Variants in CLSTN2 observed in about 807,000 individuals in gnomAD.
CLSTN2 encodes calsyntenin 2, also known as calsyntenin-2.
A neutral mutation model predicts 101.2 loss-of-function variants in CLSTN2; 48 were observed. That is an observed-to-expected ratio of 0.47 (90% CI 0.38 to 0.60). The LOEUF (loss-of-function observed/expected upper bound fraction) is 0.60. Ranked by LOEUF, CLSTN2 falls within the 20% of genes least tolerant of loss-of-function variation. The pLI is 0.00. For missense variants in CLSTN2, 1,160 were observed against 1,238.2 expected (o/e 0.94, Z 0.95); for synonymous variants, 481 against 463.6 (o/e 1.04, Z -0.48).
chr3:140,260,448 G>A (rs972270924), intron 2 of CLSTN2, among the ~76,000 whole-genome samples: 1 of 151,306 alleles, frequency 6.6e-6, no homozygotes. Flanking sequence ...GGAGGGTACT[G>A]GATTTTGTCA....
chr3:140,562,396 A>AC, intron 13 of CLSTN2, 88 bp downstream of exon 13: 4 of 1,289,346 alleles, frequency 3.1e-6, no homozygotes, highest in Non-Finnish European at 4.3e-6. Context: ...TGCACCTGTG[A>AC]AGGAGCACTG....
intron 1 of CLSTN2, among the ~76,000 whole-genome samples, chr3:140,031,732 C>G (rs2007554670): frequency 6.6e-6 from 1 of 152,282 alleles, no homozygotes; most frequent in African/African-American, 2.4e-5. Context: ...GACTCAGAAG[C>G]TGTTTGTTAG....
intron 8 of CLSTN2, among the ~76,000 whole-genome samples, chr3:140,505,032 C>T (rs1485060818): frequency 1.3e-5 from 2 of 152,050 alleles, no homozygotes; most frequent in Admixed American, 6.6e-5. Context: ...TACAAATTCC[C>T]CCAAACTTAA....
At chr3:140,305,050 ACACACTCT>A (rs773857511) in intron 2 of CLSTN2, among the ~76,000 whole-genome samples, 22 of 146,040 alleles carry the variant, frequency 1.5e-4, no homozygotes, top group Admixed American at 2.8e-4. Context: ...ACACACACAC[ACACACTCT>A]CTCTCTCTCT....
chr3:140,190,483 G>T (rs1284589186), intron 2 of CLSTN2, among the ~76,000 whole-genome samples: 1 of 150,554 alleles, frequency 6.6e-6, no homozygotes, highest in Non-Finnish European at 1.5e-5. Context: ...ATTCTGATAG[G>T]GGCTGAGTTA....
intron 2 of CLSTN2, among the ~76,000 whole-genome samples, chr3:140,293,867 T>TTCTTTCTA (rs1443017965): frequency 6.6e-6 from 1 of 152,222 alleles, no homozygotes; most frequent in Non-Finnish European, 1.5e-5. Context: ...CTACACTATA[T>TTCTTTCTA]TCTTTCTATT....
At chr3:139,964,371 C>T (rs1046114543) in intron 1 of CLSTN2, among the ~76,000 whole-genome samples, 4 of 152,002 alleles carry the variant, frequency 2.6e-5, no homozygotes, top group Non-Finnish European at 4.4e-5. Context: ...TGTTGGAGGT[C>T]GGTGCAAGTG....
chr3:140,016,126 G>T (rs1478944777), intron 1 of CLSTN2, among the ~76,000 whole-genome samples: 2 of 152,202 alleles, frequency 1.3e-5, no homozygotes, highest in Non-Finnish European at 1.5e-5. Flanking sequence ...GGCATGTGCA[G>T]AGGCATGGCT....
intron 8 of CLSTN2, among the ~76,000 whole-genome samples, chr3:140,471,557 G>A (rs538873429): frequency 1.9e-4 from 29 of 152,326 alleles, no homozygotes; most frequent in Non-Finnish European, 4.1e-4. Context: ...GGGATCAAGA[G>A]AAGAACAACA....
At chr3:140,473,429 T>A (rs752574497) in intron 8 of CLSTN2, among the ~76,000 whole-genome samples, 1 of 152,180 alleles carries the variant, frequency 6.6e-6, no homozygotes, top group East Asian at 1.9e-4. Context: ...GTTAAGGGTC[T>A]TGAGATGGAG....
chr3:140,397,506 A>G (rs1254753259), intron 2 of CLSTN2, among the ~76,000 whole-genome samples: 1 of 152,232 alleles, frequency 6.6e-6, no homozygotes, highest in Non-Finnish European at 1.5e-5. Context: ...CTTATAAAGA[A>G]CAACAATTTA....
chr3:140,297,149 C>T (rs760261805), intron 2 of CLSTN2, among the ~76,000 whole-genome samples: 6 of 152,212 alleles, frequency 3.9e-5, no homozygotes, highest in African/African-American at 7.2e-5. Flanking sequence ...CATCTGGACT[C>T]AATTTGTTGT....
At chr3:140,011,428 T>G (rs1275291106) in intron 1 of CLSTN2, among the ~76,000 whole-genome samples, 1 of 152,144 alleles carries the variant, frequency 6.6e-6, no homozygotes, top group African/African-American at 2.4e-5. Context: ...TCTTCCAACT[T>G]CATTTTTCTC....
intron 8 of CLSTN2, among the ~76,000 whole-genome samples, chr3:140,473,240 C>T (rs1157363711): frequency 1.3e-5 from 2 of 152,198 alleles, no homozygotes; most frequent in African/African-American, 4.8e-5. Flanking sequence ...CCTCAGATTC[C>T]TGCTGCATGG....
intron 2 of CLSTN2, among the ~76,000 whole-genome samples, chr3:140,225,306 T>A (rs2086308480): frequency 1.3e-5 from 2 of 152,182 alleles, no homozygotes. Context: ...CACATCCCAT[T>A]ATCTGGCTCC....
At chr3:140,513,366 C>CTATTGAG (rs1934852371) in intron 8 of CLSTN2, among the ~76,000 whole-genome samples, 1 of 152,054 alleles carries the variant, frequency 6.6e-6, no homozygotes, top group Admixed American at 6.6e-5. Context: ...TTGAGATAAT[C>CTATTGAG]ATGTGGTTTT....
intron 4 of CLSTN2, among the ~76,000 whole-genome samples, chr3:140,404,997 T>C (rs1189701139): frequency 6.6e-6 from 1 of 152,092 alleles, no homozygotes; most frequent in Non-Finnish European, 1.5e-5. Flanking sequence ...ACCTACTCAC[T>C]CAATGTAGTC....
At chr3:140,514,502 T>C (rs1264709863) in intron 8 of CLSTN2, among the ~76,000 whole-genome samples, 2 of 152,162 alleles carry the variant, frequency 1.3e-5, no homozygotes, top group Non-Finnish European at 2.9e-5. Context: ...CATATACATA[T>C]ACTACAATTT....
chr3:140,062,499 A>C (rs1012371973), intron 1 of CLSTN2, among the ~76,000 whole-genome samples: 1 of 152,148 alleles, frequency 6.6e-6, no homozygotes, highest in African/African-American at 2.4e-5. Context: ...CATTTAATCT[A>C]TTACCCAGTT....
Sources: allele counts gnomAD v4.1 joint callset (sites outside exome capture counted in the v4.1 genomes callset), GRCh38; gene constraint gnomAD v4.1.1; transcripts MANE v1.5; gene names NCBI Gene and HGNC (gene_info 2026-07-23, HGNC 2026-07-21).